C4orf51: variants seen among roughly 807,000 people sequenced by gnomAD.
C4orf51 encodes chromosome 4 open reading frame 51.
C4orf51 carries 25 observed loss-of-function variants against 25.2 expected under a neutral mutation model. That is an observed-to-expected ratio of 0.99 (90% confidence interval 0.72 to 1.39). The LOEUF is 1.39. C4orf51 is among the 40% of genes most tolerant of loss of function. The pLI is 0.00. For synonymous variants in C4orf51, 100 were observed against 84.5 expected (o/e 1.18, Z -1.01); for missense variants, 252 against 239.6 (o/e 1.05, Z -0.34).
At chr4:145,742,661 T>C (rs983992478) in intron 1 of C4orf51, among the ~76,000 whole-genome samples, 2 of 149,296 alleles carry the variant, frequency 1.3e-5, no homozygotes, top group Non-Finnish European at 3.0e-5. Flanking sequence ...TGCCTCAGCC[T>C]CCTGAGTAGC....
At chr4:145,741,775 G>A (rs186313553) in intron 1 of C4orf51, among the ~76,000 whole-genome samples, 13 of 151,866 alleles carry the variant, frequency 8.6e-5, no homozygotes, top group Non-Finnish European at 1.6e-4. Flanking sequence ...TCAGCTCACT[G>A]CAACCTCTGC....
chr4:145,696,620 A>G lies in C4orf51; in HGVS notation c.295A>G (p.Thr99Ala), dbSNP rs150592490. The G allele has an allele frequency of 2.5e-6, 4 of 1,613,064 alleles. No homozygotes were observed. In the East Asian group the frequency reaches 6.7e-5, roughly 27 times the overall value. Residue 99 changes from threonine (T) to alanine (A), a missense_variant, in exon 2 of 6, where the codon ACA becomes GCA. Physicochemically the swap from Thr to Ala is moderately conservative, Grantham distance 58. Coordinates refer to ENST00000438731, the MANE Select transcript of C4orf51 (RefSeq NM_001080531.3). ...LLCWAGTQET[T>A]DIKGLFPDIT... The stretch of plus-strand genomic sequence containing the variant: ...CTGCTGGGCTGGTACCCAAGAGACT[A>G]CAGATATCAAAGGTAAGTGCAACAT...
At chr4:145,741,206 G>T (rs573792680) in intron 1 of C4orf51, among the ~76,000 whole-genome samples, 1 of 152,254 alleles carries the variant, frequency 6.6e-6, no homozygotes, top group East Asian at 1.9e-4. Flanking sequence ...CTCTCTGGCC[G>T]TATCCATCAT....
chr4:145,790,643 T>TGTC, the C4orf51 span, among the ~76,000 whole-genome samples: 1 of 152,212 alleles, frequency 6.6e-6, no homozygotes, highest in Admixed American at 6.5e-5. Context: ...TATCCTCAAT[T>TGTC]ATTCTAGTCT....
At chr4:145,702,193 T>C (rs1730492929) in intron 2 of C4orf51, among the ~76,000 whole-genome samples, 1 of 152,052 alleles carries the variant, frequency 6.6e-6, no homozygotes, top group Non-Finnish European at 1.5e-5. Context: ...TTACCTGTCC[T>C]AAAACCAGAC....
rs757568256 is a variant in C4orf51, at chr4:145,765,378, T to G, written n.167-5610T>G. ...CCCTCCCCATCCTTCCACCCCATACTCGGATTCAAATTAAGCCAAAAGAAA... is the reference window on the plus strand; with the variant it reads ...CCCTCCCCATCCTTCCACCCCATACGCGGATTCAAATTAAGCCAAAAGAAA... On this transcript the variant is annotated intron_variant and non_coding_transcript_variant, in intron 1 of 1. Transcript: ENST00000510096. This position sits in a 1 kb window ranked among gnomAD's most constrained non-coding sequence, Gnocchi z 4.7. 6.6e-6 allele frequency among the ~76,000 whole-genome samples: 1 copy of G among 152,142 alleles called. No homozygotes were observed. Among genetic ancestry groups the G allele is most frequent in the Non-Finnish European group, 1.5e-5 (1 of 68,014 alleles).
chr4:145,765,872 C>A lies in C4orf51; in HGVS notation n.167-5116C>A. 1.1e-5 allele frequency: 10 copies of A among 872,524 alleles called. 1 individual carries two copies. In the South Asian group the frequency reaches 1.7e-4, roughly 15 times the overall value. 54.0% of individuals were successfully genotyped at this position (872,524 alleles called of 1,614,324 possible). A position where few individuals can be genotyped will look rare whatever the true frequency, so the allele number is the denominator to read the frequency against. On this transcript the variant is annotated intron_variant and non_coding_transcript_variant, in intron 1 of 1. Coordinates refer to the C4orf51 transcript ENST00000510096. This position sits in a 1 kb window ranked among gnomAD's most constrained non-coding sequence, Gnocchi z 4.7. Reference sequence around the variant, plus strand: ...CACAGGCTCATGTCCCCAGCTCCCCCACTGCTGGGGGATCCCAGGTCCTAA... The same window carrying A: ...CACAGGCTCATGTCCCCAGCTCCCCAACTGCTGGGGGATCCCAGGTCCTAA...
Position 145,765,680 on chromosome 4 carries a change from A to G in C4orf51, n.167-5308A>G. ...CTTTGCTGTTGGCTGAATCACTCAG[A>G]GCTGAGAGGGAGGATGAAGAGGGGC... On this transcript the variant is annotated intron_variant and non_coding_transcript_variant, in intron 1 of 1. Transcript: ENST00000510096. This position sits in a 1 kb window ranked among gnomAD's most constrained non-coding sequence, Gnocchi z 4.7. The G allele has an allele frequency of 1.2e-6, 2 of 1,614,134 alleles. No homozygotes were observed. The highest frequency in any genetic ancestry group is 1.7e-6 in the Non-Finnish European group (2 of 1,180,032).
intron 2 of C4orf51, among the ~76,000 whole-genome samples, chr4:145,719,524 G>A (rs1731606802): frequency 7.0e-6 from 1 of 142,926 alleles, no homozygotes; most frequent in Non-Finnish European, 1.5e-5. Flanking sequence ...AGAATGGCGT[G>A]AACCCAGGAG....
In C4orf51 at chr4:145,762,810, GT is replaced by G. The variant is rs1333885935; in HGVS notation, n.167-8175del. Among the ~76,000 whole-genome samples, 1 of 152,220 alleles carries G rather than the reference GT, an allele frequency of 6.6e-6. No homozygotes were observed. Among genetic ancestry groups the G allele is most frequent in the African/African-American group, 2.4e-5 (1 of 41,454 alleles). On this transcript the variant is annotated intron_variant and non_coding_transcript_variant, in intron 1 of 1. Coordinates refer to the C4orf51 transcript ENST00000510096. The surrounding 1 kb of genome is among the most constrained non-coding windows in gnomAD (Gnocchi z 4.9). ...GTGGCTTATATGAGAACTGTAGTGT[GT>G]TTGCTCTCTTTCCACAAAGAATGCA...
intron 1 of C4orf51, among the ~76,000 whole-genome samples, chr4:145,752,175 C>CA (rs1383984434): frequency 1.3e-5 from 2 of 152,210 alleles, no homozygotes; most frequent in Admixed American, 6.5e-5. Context: ...AGGTTCAAGA[C>CA]AAAGTCCCCT....
intron 2 of C4orf51, among the ~76,000 whole-genome samples, chr4:145,723,652 C>T (rs1359597035): frequency 6.6e-6 from 1 of 152,106 alleles, no homozygotes; most frequent in East Asian, 1.9e-4. Context: ...GGACCTAATA[C>T]CTAAAGATAG....
intron 1 of C4orf51, among the ~76,000 whole-genome samples, chr4:145,748,994 G>A (rs1560867053): frequency 1.3e-5 from 2 of 150,752 alleles, no homozygotes; most frequent in Non-Finnish European, 1.5e-5. Context: ...TATTGTATTG[G>A]GGTCGATGTC....
intron 2 of C4orf51, 63 bp from the exon 3 acceptor site, chr4:145,726,848 G>A: frequency 1.5e-6 from 2 of 1,356,846 alleles, no homozygotes; most frequent in Non-Finnish European, 2.1e-6. Context: ...CTAATTGGAA[G>A]TGTAAGGAAT....
chr4:145,711,711 G>A (rs59763155), intron 2 of C4orf51, among the ~76,000 whole-genome samples: 11,110 of 151,874 alleles, frequency 0.073, 512 homozygotes, highest in South Asian at 0.15. Flanking sequence ...GATGCTCTCC[G>A]TTGCATTTTT....
chr4:145,753,747 C>T (rs147486587), intron 1 of C4orf51, among the ~76,000 whole-genome samples: 1 of 152,194 alleles, frequency 6.6e-6, no homozygotes, highest in African/African-American at 2.4e-5. Flanking sequence ...GTAACTTGTC[C>T]CTATCAGCCC....
At position 145,701,235 on chromosome 4, in the gene C4orf51, T is replaced by TA. The variant is rs778319650; in HGVS notation, c.307+4613dup. 9.3e-3 allele frequency among the ~76,000 whole-genome samples: 1,391 copies of TA among 149,036 alleles called. 22 individuals are homozygous for TA. The highest frequency in any genetic ancestry group is 0.032 in the African/African-American group (1,299 of 40,668). On this transcript the variant is annotated intron_variant, in intron 2 of 5. Coordinates refer to ENST00000438731, the MANE Select transcript of C4orf51 (RefSeq NM_001080531.3). ...ACCTCACCTTCAAGGTGTACAATAA[T>TA]AAAAAAAAAAGTGGCAATTCCTTGC...
chr4:145,719,025 T>C (rs1286275202), intron 2 of C4orf51, among the ~76,000 whole-genome samples: 1 of 152,194 alleles, frequency 6.6e-6, no homozygotes, highest in Non-Finnish European at 1.5e-5. Flanking sequence ...TTTCTGTGTA[T>C]TATGGTATTT....
In C4orf51 at chr4:145,765,277, T is replaced by C; in HGVS notation, n.167-5711T>C. The C allele has an allele frequency of 8.3e-7, 1 of 1,211,490 alleles. No homozygotes were observed. The highest frequency in any genetic ancestry group is 1.1e-6 in the Non-Finnish European group (1 of 887,470). 75.0% of individuals were successfully genotyped at this position (1,211,490 alleles called of 1,614,324 possible). A position where few individuals can be genotyped will look rare whatever the true frequency, so the allele number is the denominator to read the frequency against. ...CCCGCCTCCTCCGACGCCTGACAGC[T>C]ATACCCTTCCAGGCACTGTTCCCCA... is the stretch of plus-strand genomic sequence containing the variant. On this transcript the variant is annotated intron_variant and non_coding_transcript_variant, in intron 1 of 1. Transcript: ENST00000510096. The surrounding 1 kb of genome is among the most constrained non-coding windows in gnomAD (Gnocchi z 4.7).
Sources: allele counts gnomAD v4.1 joint callset (sites outside exome capture counted in the v4.1 genomes callset), GRCh38; gene constraint gnomAD v4.1.1; non-coding constraint Gnocchi (gnomAD v3.1); transcripts MANE v1.5; gene names NCBI Gene and HGNC (gene_info 2026-07-23, HGNC 2026-07-21).